The following TBC1D16 variants were observed in gnomAD, a reference collection of about 807,000 sequenced individuals.
The protein encoded by TBC1D16 is TBC1 domain family member 16.
In TBC1D16, 58 loss-of-function variants were observed where a neutral mutation model predicts 74.7. The observed-to-expected ratio is 0.78, with a 90% confidence interval of 0.63 to 0.97. The LOEUF (loss-of-function observed/expected upper bound fraction) is 0.97, where lower values mean the gene tolerates loss of function less well. TBC1D16 is among the 50% of genes least tolerant of loss of function. The probability of loss-of-function intolerance (pLI) is 0.00; values close to 1 mark genes in which losing one functional copy is unlikely to be tolerated. For synonymous variants in TBC1D16, 493 were observed against 474.7 expected (o/e 1.04, Z -0.50); for missense variants, 1,014 against 1,079.5 (o/e 0.94, Z 0.85).
At position 79,983,310 on chromosome 17, in the gene TBC1D16, C is replaced by T. The variant is rs189055183; in HGVS notation, c.779+26850G>A. ...CTGGCCCCACCCCAGGAAATGCAGT[C>T]GGTGTGTCTTAGGAGGTTGAGTGCA... On this transcript the variant is annotated intron_variant, in intron 3 of 11. Coordinates refer to ENST00000310924, the MANE Select transcript of TBC1D16 (RefSeq NM_019020.4). The surrounding 1 kb of genome is among the most constrained non-coding windows in gnomAD (Gnocchi z 5.6). Among the ~76,000 whole-genome samples the T allele has an allele frequency of 1.2e-4, 19 of 152,322 alleles. No individual in the cohort carries two copies. Among genetic ancestry groups the T allele is most frequent in the South Asian group, 4.1e-4 (2 of 4,830 alleles).
intron 3 of TBC1D16, among the ~76,000 whole-genome samples, chr17:79,960,096 CCTT>C (rs2033526219): frequency 6.6e-6 from 1 of 151,638 alleles, no homozygotes; most frequent in Non-Finnish European, 1.5e-5. Context: ...AAAATGAAAA[CCTT>C]CTACTCTTTA....
chr17:80,003,552 G>A (rs1273612660), intron 3 of TBC1D16, among the ~76,000 whole-genome samples: 1 of 151,952 alleles, frequency 6.6e-6, no homozygotes, highest in African/African-American at 2.4e-5. Context: ...GTCCCCAAAT[G>A]TGCAGGTTCT....
At chr17:80,030,473 G>C (rs1297687611) in intron 1 of TBC1D16, among the ~76,000 whole-genome samples, 1 of 152,160 alleles carries the variant, frequency 6.6e-6, no homozygotes, top group Non-Finnish European at 1.5e-5. Flanking sequence ...TTAGTTTCCT[G>C]TCCTGGCCTA....
chr17:79,966,010 T>C (rs1181459092), intron 3 of TBC1D16, among the ~76,000 whole-genome samples: 1 of 152,226 alleles, frequency 6.6e-6, no homozygotes, highest in African/African-American at 2.4e-5. Flanking sequence ...ATGTGCTCTC[T>C]CACACTTCTG....
chr17:80,026,462 A>T (rs1458648532), intron 1 of TBC1D16, among the ~76,000 whole-genome samples: 1 of 149,516 alleles, frequency 6.7e-6, no homozygotes, highest in Non-Finnish European at 1.5e-5. Flanking sequence ...GGAGGGGGGA[A>T]TCTATTAGTT....
In TBC1D16 at chr17:79,944,293, G is replaced by A. The variant is rs993600895; in HGVS notation, c.1908+615C>T. On this transcript the variant is annotated intron_variant, in intron 10 of 11. Transcript: ENST00000310924. This position sits in a 1 kb window ranked among gnomAD's most constrained non-coding sequence, Gnocchi z 7.7. Reference sequence around the variant, plus strand: ...TGAGTTTTTTTTTTAAAAGGCTGATGGACTCAAAGAGACTTGCTTATCTTT... The same window carrying A: ...TGAGTTTTTTTTTTAAAAGGCTGATAGACTCAAAGAGACTTGCTTATCTTT... 1.3e-5 allele frequency among the ~76,000 whole-genome samples: 2 copies of A among 152,298 alleles called. No homozygotes were observed. The highest frequency in any genetic ancestry group is 4.8e-5 in the African/African-American group (2 of 41,554).
chr17:79,997,962 T>C (rs2035336947), intron 3 of TBC1D16, among the ~76,000 whole-genome samples: 1 of 151,886 alleles, frequency 6.6e-6, no homozygotes, highest in African/African-American at 2.4e-5. Flanking sequence ...CCGTCTCTAC[T>C]GAAAATACAA....
At position 79,940,680 on chromosome 17, in the gene TBC1D16, T is replaced by G. The variant is rs1411968434; in HGVS notation, c.*179A>C. ...TCTGGGTGGCTGTAGATCTGACTTC[T>G]GTCACTTCCAGACTCTAATTTTGTC... On this transcript the variant is annotated 3_prime_UTR_variant, in exon 12 of 12. Coordinates refer to ENST00000310924, the MANE Select transcript of TBC1D16 (RefSeq NM_019020.4). This position sits in a 1 kb window ranked among gnomAD's most constrained non-coding sequence, Gnocchi z 5.4. 1 of 742,980 alleles carries G rather than the reference T, an allele frequency of 1.3e-6. No individual in the cohort carries two copies. Among genetic ancestry groups the G allele is most frequent in the African/African-American group, 1.8e-5 (1 of 56,036 alleles). 46.0% of individuals were successfully genotyped at this position (742,980 alleles called of 1,614,324 possible).
rs551662925 is a variant in TBC1D16, at chr17:79,975,835, G to A, written c.780-23017C>T. On this transcript the variant is annotated intron_variant, in intron 3 of 11. Coordinates refer to ENST00000310924, the MANE Select transcript of TBC1D16 (RefSeq NM_019020.4). This position sits in a 1 kb window ranked among gnomAD's most constrained non-coding sequence, Gnocchi z 4.5. ...AGCATGAGCCCCACTTTGGAATGACGGGGTCTGTGCAGAGACCGGGCAGAG... is the reference window on the plus strand; with the variant it reads ...AGCATGAGCCCCACTTTGGAATGACAGGGTCTGTGCAGAGACCGGGCAGAG... Among the ~76,000 whole-genome samples the A allele has an allele frequency of 3.9e-5, 6 of 152,308 alleles. No homozygotes were observed. The highest frequency in any genetic ancestry group is 2.1e-4 in the South Asian group (1 of 4,828).
chr17:79,945,111 T>TA (rs748925000), intron 9 of TBC1D16, 24 bp from the exon 10 acceptor site: 250 of 1,556,294 alleles, frequency 1.6e-4, no homozygotes, highest in Non-Finnish European at 2.1e-4. Flanking sequence ...CGTCACGCGT[T>TA]AGTTAGCTCC....
rs935742174 is a variant in TBC1D16 at position 79,988,951 on chromosome 17, A to C, written c.779+21209T>G. Among the ~76,000 whole-genome samples the C allele has an allele frequency of 6.6e-6, 1 of 152,202 alleles. No individual in the cohort carries two copies. The highest frequency in any genetic ancestry group is 2.4e-5 in the African/African-American group (1 of 41,460). On this transcript the variant is annotated intron_variant, in intron 3 of 11. Coordinates refer to ENST00000310924, the MANE Select transcript of TBC1D16 (RefSeq NM_019020.4). This position sits in a 1 kb window ranked among gnomAD's most constrained non-coding sequence, Gnocchi z 5.7. The stretch of plus-strand genomic sequence containing the variant: ...CCCTCCCTCAGGACCCAGCACCTTC[A>C]GTCCTCCTGCCGAGAAGAAGCCTTT...
At chr17:79,962,418 T>C (rs1344536703) in intron 3 of TBC1D16, among the ~76,000 whole-genome samples, 2 of 151,610 alleles carry the variant, frequency 1.3e-5, no homozygotes, top group Non-Finnish European at 2.9e-5. Flanking sequence ...TTTCACCATG[T>C]TGGCCAGCTG....
At chr17:80,020,942 G>C (rs2036261842) in intron 1 of TBC1D16, among the ~76,000 whole-genome samples, 1 of 150,052 alleles carries the variant, frequency 6.7e-6, no homozygotes, top group Admixed American at 6.6e-5. Context: ...GATTGCTCAA[G>C]CCCAGGAGCT....
chr17:80,006,141 C>T (rs2035667301), intron 3 of TBC1D16, among the ~76,000 whole-genome samples: 1 of 152,178 alleles, frequency 6.6e-6, no homozygotes, highest in Non-Finnish European at 1.5e-5. Flanking sequence ...CATCTGGGGT[C>T]CTCGGCCCTG....
At position 80,007,980 on chromosome 17, in the gene TBC1D16, G is replaced by A. The variant is rs1383493395; in HGVS notation, c.779+2180C>T. ...GAGTGAGTGCACAGCACGCCTGTCC[G>A]CTGCCCACTGATGCCAATACATCCC... On this transcript the variant is annotated intron_variant, in intron 3 of 11. Transcript: ENST00000310924. This position sits in a 1 kb window ranked among gnomAD's most constrained non-coding sequence, Gnocchi z 4.5. Among the ~76,000 whole-genome samples, 4 of 151,542 alleles carry A rather than the reference G, an allele frequency of 2.6e-5. No homozygotes were observed. The highest frequency in any genetic ancestry group is 5.9e-5 in the Non-Finnish European group (4 of 67,930).
chr17:79,948,923 C>G lies in TBC1D16; in HGVS notation c.1490G>C (p.Arg497Pro). 1 of 1,614,138 alleles carries G rather than the reference C, an allele frequency of 6.2e-7. No homozygotes were observed. Among genetic ancestry groups the G allele is most frequent in the Non-Finnish European group, 8.5e-7 (1 of 1,180,020 alleles). The change falls in exon 8 of 12, where the codon CGG becomes CCG. Residue 497 changes from arginine to proline, a missense_variant. Physicochemically the swap from Arg to Pro is moderately radical, Grantham distance 103 (BLOSUM62 -2). Transcript: ENST00000310924. ...TVDKDVVRTD[R>P]NNQFFRGEDN... ...TTCCCCCCGGAAGAACTGGTTGTTC[C>G]GATCTGTCCGGACCACGTCTTTGTC...
At chr17:80,011,213 T>G (rs1435350010) in intron 2 of TBC1D16, among the ~76,000 whole-genome samples, 1 of 151,320 alleles carries the variant, frequency 6.6e-6, no homozygotes, top group Non-Finnish European at 1.5e-5. Flanking sequence ...GCTAATTTTT[T>G]TTTTTTTTTT....
intron 3 of TBC1D16, among the ~76,000 whole-genome samples, chr17:79,996,160 C>A (rs1318099532): frequency 3.9e-5 from 6 of 152,298 alleles, no homozygotes; most frequent in African/African-American, 9.6e-5. Context: ...CATGTATTAA[C>A]AGGAATAAAA....
Position 80,013,362 on chromosome 17 carries a change from C to T in TBC1D16, c.181+5G>A, listed in dbSNP as rs763334717. On this transcript the variant is annotated splice_donor_5th_base_variant and intron_variant, in intron 2 of 11. Transcript: ENST00000310924. ...GACCCTGGAGCCTCGCCTGCCCTGGCTCACCTGGGTGGTGCTCCCCCAGCC... is the reference window on the plus strand; with the variant it reads ...GACCCTGGAGCCTCGCCTGCCCTGGTTCACCTGGGTGGTGCTCCCCCAGCC... 11 of 1,599,254 alleles carry T rather than the reference C, an allele frequency of 6.9e-6. No individual in the cohort carries two copies. Among genetic ancestry groups the T allele is most frequent in the Non-Finnish European group, 9.4e-6 (11 of 1,173,446 alleles).
Sources: gnomAD v4.1 joint callset for allele counts (sites outside exome capture counted in the v4.1 genomes callset) on GRCh38, gnomAD v4.1.1 for gene constraint, Gnocchi (gnomAD v3.1) non-coding constraint, MANE v1.5 for transcripts, NCBI Gene and HGNC (gene_info 2026-07-23, HGNC 2026-07-21) for gene names.